Variants in RADIL observed in about 807,000 individuals in gnomAD.
RADIL encodes the protein Rap associating with DIL domain, also known as ras-associating and dilute domain-containing protein.
In RADIL, 99 loss-of-function variants were observed where a neutral mutation model predicts 97.6. The observed-to-expected ratio is 1.01, with a 90% CI of 0.86 to 1.20. The LOEUF is 1.20. Among genes scored for constraint, RADIL ranks in the 50% most tolerant of loss-of-function variants. The probability of loss-of-function intolerance (pLI) is 0.00; values close to 1 mark genes in which losing one functional copy is unlikely to be tolerated. For synonymous variants in RADIL, 803 were observed against 691.8 expected, an observed-to-expected ratio of 1.16 and a Z score of -2.52; for missense variants, 1,765 against 1,498.9, an observed-to-expected ratio of 1.18 and a Z score of -2.93.
At chr7:4,827,529 C>A (rs1247495317) in intron 5 of RADIL, among the ~76,000 whole-genome samples, 1 of 151,938 alleles carries the variant, frequency 6.6e-6, no homozygotes, top group Non-Finnish European at 1.5e-5. Context: ...GGCGTGGTTG[C>A]AGGCGCCTGT....
rs182359348 is a variant in RADIL, at chr7:4,816,556, G to A, written c.1729-91C>T. 2.6e-4 allele frequency: 269 copies of A among 1,044,004 alleles called. 1 individual carries two copies. In the East Asian group the frequency reaches 5.3e-3, roughly 21 times the overall value. 64.7% of individuals were successfully genotyped at this position (1,044,004 alleles called of 1,614,324 possible). A position where few individuals can be genotyped will look rare whatever the true frequency, so the allele number is the denominator to read the frequency against. On this transcript the variant is annotated intron_variant, in intron 7 of 14. Transcript: ENST00000399583. ...CTGACCCAGCGAGCTCCCCACCCAC[G>A]CACTGCTTGCAGGGACCCGGCCTCG...
chr7:4,835,767 G>A lies in RADIL; in HGVS notation c.784-528C>T, dbSNP rs1210930730. ...AGGAGCTGGCTGCACAGGAGGGCGG[G>A]GGTAGGGTGAGCAGGGGGCGGGGAA... On this transcript the variant is annotated intron_variant, in intron 3 of 14. Coordinates refer to ENST00000399583, the MANE Select transcript of RADIL (RefSeq NM_018059.5). This position sits in a 1 kb window ranked among gnomAD's most constrained non-coding sequence, Gnocchi z 5.8. Among the ~76,000 whole-genome samples, 7 of 152,202 alleles carry A rather than the reference G, an allele frequency of 4.6e-5. No individual in the cohort carries two copies. The highest frequency in any genetic ancestry group is 1.7e-4 in the African/African-American group (7 of 41,458).
At chr7:4,802,988 G>A (rs1468555476) in intron 11 of RADIL, among the ~76,000 whole-genome samples, 3 of 78,560 alleles carry the variant, frequency 3.8e-5, no homozygotes, top group Non-Finnish European at 6.8e-5. Flanking sequence ...GTACCTCGGG[G>A]CACTCTGGCT....
Position 4,873,493 on chromosome 7 carries a change from C to T in RADIL, c.535+4112G>A, listed in dbSNP as rs1784300813. Reference sequence around the variant, plus strand: ...ATCTCACCAGGGATCAGGGACAGCCCCACGCTGGGTCCTCTTGGGAGAGAA... The same window carrying T: ...ATCTCACCAGGGATCAGGGACAGCCTCACGCTGGGTCCTCTTGGGAGAGAA... On this transcript the variant is annotated intron_variant, in intron 2 of 14. Transcript: ENST00000399583. This position sits in a 1 kb window ranked among gnomAD's most constrained non-coding sequence, Gnocchi z 4.3. Among the ~76,000 whole-genome samples the T allele has an allele frequency of 2.6e-5, 4 of 152,316 alleles. No homozygotes were observed. The highest frequency in any genetic ancestry group is 2.6e-4 in the Admixed American group (4 of 15,298).
In RADIL at chr7:4,877,971, T is replaced by G; in HGVS notation, c.169A>C (p.Thr57Pro). The G allele has an allele frequency of 6.2e-7, 1 of 1,611,630 alleles. No homozygotes were observed. Among genetic ancestry groups the G allele is most frequent in the Non-Finnish European group, 8.5e-7 (1 of 1,179,912 alleles). ...AGGACACCAGGGGCCGACAGCTGGG[T>G]GGAGAGCTCGGCGGGGTCATCGCTG... Reference protein sequence around the residue: ...GASDDPAELSTQLSAPGVLKV... With the variant: ...GASDDPAELSPQLSAPGVLKV... Residue 57 changes from threonine (T) to proline (P), a missense_variant, in exon 2 of 15, where the codon ACC (threonine) becomes CCC (proline). By Grantham distance (38) the Thr-to-Pro change is conservative. Coordinates refer to ENST00000399583, the MANE Select transcript of RADIL (RefSeq NM_018059.5).
At chr7:4,859,952 A>G in intron 2 of RADIL, 2 of 1,613,972 alleles carry the variant, frequency 1.2e-6, no homozygotes, top group Non-Finnish European at 1.7e-6. Flanking sequence ...ATGGCTTATG[A>G]GACATGTTGA....
At chr7:4,861,715 G>A in intron 2 of RADIL, 2 of 1,568,930 alleles carry the variant, frequency 1.3e-6, no homozygotes, top group South Asian at 1.2e-5. Context: ...CCGTCTCCTT[G>A]GGGACCGCTA....
chr7:4,817,296 C>T lies in RADIL; in HGVS notation c.1671G>A (p.Ala557=), dbSNP rs767642627. The change falls in exon 7 of 15, where the codon GCG becomes GCA. Residue 557 remains alanine (A), a synonymous_variant. Transcript: ENST00000399583. This position sits in a 1 kb window ranked among gnomAD's most constrained non-coding sequence, Gnocchi z 8.3. Reference sequence around the variant, plus strand: ...CGTACAGCACCACCTCCTCCAGCACCGCCATGGCCTCCTCGCTGGCCGTCA... The same window carrying T: ...CGTACAGCACCACCTCCTCCAGCACTGCCATGGCCTCCTCGCTGGCCGTCA... The part of the protein sequence containing the change: ...CTLTASEEAM[A]VLEEVVLYAF... 20 of 1,612,546 alleles carry T rather than the reference C, an allele frequency of 1.2e-5. No individual in the cohort carries two copies. The highest frequency in any genetic ancestry group is 2.7e-5 in the African/African-American group (2 of 74,906).
At position 4,841,560 on chromosome 7, in the gene RADIL, G is replaced by A. The variant is rs1461242048; in HGVS notation, c.536-4955C>T. The stretch of plus-strand genomic sequence containing the variant: ...GTTCCTGCAGAGGAAGCCGGCGGGC[G>A]CGGGTCTCCCCTACTGCCCCGTGTT... On this transcript the variant is annotated intron_variant, in intron 2 of 14. Coordinates refer to ENST00000399583, the MANE Select transcript of RADIL (RefSeq NM_018059.5). Among the ~76,000 whole-genome samples the A allele has an allele frequency of 3.3e-5, 5 of 152,198 alleles. 1 individual carries two copies. Among genetic ancestry groups the A allele is most frequent in the Admixed American group, 1.3e-4 (2 of 15,286 alleles).
chr7:4,851,100 G>A (rs920717828), intron 2 of RADIL, among the ~76,000 whole-genome samples: 1 of 152,028 alleles, frequency 6.6e-6, no homozygotes, highest in Non-Finnish European at 1.5e-5. Flanking sequence ...AGCTACTTAG[G>A]AGGCTGAGGC....
At position 4,867,962 on chromosome 7, in the gene RADIL, G is replaced by A. The variant is rs1279405907; in HGVS notation, c.535+9643C>T. The stretch of plus-strand genomic sequence containing the variant: ...ACTTGTTCCCCATATTGGTGAGACG[G>A]CTGTCCTGCATTAGGCATTCGGTCA... On this transcript the variant is annotated intron_variant, in intron 2 of 14. Coordinates refer to ENST00000399583, the MANE Select transcript of RADIL (RefSeq NM_018059.5). The surrounding 1 kb of genome is among the most constrained non-coding windows in gnomAD (Gnocchi z 4.1). Among the ~76,000 whole-genome samples, 4 of 152,354 alleles carry A rather than the reference G, an allele frequency of 2.6e-5. No homozygotes were observed. In the East Asian group the frequency reaches 7.7e-4, roughly 29 times the overall value.
Position 4,832,116 on chromosome 7 carries a change from G to A in RADIL, c.1454+25C>T, listed in dbSNP as rs768732968. The A allele has an allele frequency of 2.7e-5, 43 of 1,604,202 alleles. 1 individual carries two copies. The South Asian group carries it at 4.5e-4, about 17-fold the overall frequency. On this transcript the variant is annotated intron_variant, in intron 5 of 14. Transcript: ENST00000399583. ...CCCCAGGACCTGCTGCCCAGAGGCG[G>A]GCACAATAACCGGGTCATACTCACA...
At chr7:4,841,774 GA>G in intron 2 of RADIL, among the ~76,000 whole-genome samples, 2 of 152,306 alleles carry the variant, frequency 1.3e-5, no homozygotes, top group Middle Eastern at 3.4e-3. Context: ...GACATTTTAA[GA>G]AGAGAACACA....
Position 4,815,353 on chromosome 7 carries a change from C to T in RADIL, c.2064G>A (p.Ala688=), listed in dbSNP as rs558276459. The change falls in exon 9 of 15, where the codon GCG becomes GCA. Residue 688 remains alanine (A), a synonymous_variant. Transcript: ENST00000399583. This position sits in a 1 kb window ranked among gnomAD's most constrained non-coding sequence, Gnocchi z 8.0. ...GCTTCTGGAAGAAGTGCTCTCCAGC[C>T]GCCCCGAAGCCGGCGCTCCGCATCC... ...LEWMRSAGFG[A]AGEHFFQKLS... 3.0e-5 allele frequency: 46 copies of T among 1,557,548 alleles called. No individual in the cohort carries two copies. In the African/African-American group the frequency reaches 3.5e-4, roughly 12 times the overall value.
intron 2 of RADIL, chr7:4,859,581 C>A: frequency 3.3e-6 from 1 of 306,226 alleles, no homozygotes; most frequent in Non-Finnish European, 6.1e-6. Context: ...ATATCTAGTC[C>A]CGTACCCCTC....
In RADIL at chr7:4,879,503, AGGAAAGCCTATTTTCT is replaced by A. The variant is rs1291236173; in HGVS notation, c.-64-1316_-64-1301del. Among the ~76,000 whole-genome samples the A allele has an allele frequency of 6.6e-6, 1 of 152,214 alleles. No homozygotes were observed. The highest frequency in any genetic ancestry group is 1.5e-5 in the Non-Finnish European group (1 of 68,038). ...AAAGGTGGCAGACGAGTGAGCCAGG[AGGAAAGCCTATTTTCT>A]GGAAAGCTCTGGAAAGAGTGGTCCA... On this transcript the variant is annotated intron_variant, in intron 1 of 14. Coordinates refer to ENST00000399583, the MANE Select transcript of RADIL (RefSeq NM_018059.5). The surrounding 1 kb of genome is among the most constrained non-coding windows in gnomAD (Gnocchi z 4.1).
At position 4,813,340 on chromosome 7, in the gene RADIL, T is replaced by C. The variant is rs1403105187; in HGVS notation, c.2139+1938A>G. ...TTCCCAAGGGGTCCTGGACTCGTCATCTCTGTCTCCTCTACACTGTGAAGG... is the reference window on the plus strand; with the variant it reads ...TTCCCAAGGGGTCCTGGACTCGTCACCTCTGTCTCCTCTACACTGTGAAGG... On this transcript the variant is annotated intron_variant, in intron 9 of 14. Transcript: ENST00000399583. The surrounding 1 kb of genome is among the most constrained non-coding windows in gnomAD (Gnocchi z 5.0). 1.3e-5 allele frequency among the ~76,000 whole-genome samples: 2 copies of C among 152,210 alleles called. No homozygotes were observed. Among genetic ancestry groups the C allele is most frequent in the African/African-American group, 2.4e-5 (1 of 41,458 alleles).
At position 4,803,629 on chromosome 7, in the gene RADIL, A is replaced by G; in HGVS notation, c.2416T>C (p.Phe806Leu). Residue 806 changes from phenylalanine to leucine, a missense_variant, in exon 11 of 15, where the codon TTT becomes CTT. Physicochemically the swap from Phe to Leu is conservative, Grantham distance 22. Coordinates refer to ENST00000399583, the MANE Select transcript of RADIL (RefSeq NM_018059.5). Reference sequence around the variant, plus strand: ...GCTCTGCTCCGCAGACCCCACAGAAAGTGGCGGACGTAGAGCAGGTGCTGG... The same window carrying G: ...GCTCTGCTCCGCAGACCCCACAGAAGGTGGCGGACGTAGAGCAGGTGCTGG... ...IYQHLLYVRH[F>L]LWGLRSRASP... 1 of 1,549,978 alleles carries G rather than the reference A, an allele frequency of 6.5e-7. No homozygotes were observed. Among genetic ancestry groups the G allele is most frequent in the Non-Finnish European group, 8.7e-7 (1 of 1,147,044 alleles).
chr7:4,801,949 C>T lies in RADIL; in HGVS notation c.2546G>A (p.Cys849Tyr). ...VLDGHLEAPSCPLAPRDPGPA... is the reference protein window; with the variant it reads ...VLDGHLEAPSYPLAPRDPGPA... ...GCCAGGGTCCCTGGGAGCCAGGGGG[C>T]AGCTCGGGGCCTCCAGGTGCCCGTC... is the stretch of plus-strand genomic sequence containing the variant. Residue 849 changes from cysteine to tyrosine, a missense_variant, in exon 12 of 15, where the codon TGC (cysteine) becomes TAC (tyrosine). Coordinates refer to ENST00000399583, the MANE Select transcript of RADIL (RefSeq NM_018059.5). 2 of 1,559,122 alleles carry T rather than the reference C, an allele frequency of 1.3e-6. No individual in the cohort carries two copies. Among genetic ancestry groups the T allele is most frequent in the Non-Finnish European group, 1.7e-6 (2 of 1,156,238 alleles).
Sources: allele counts gnomAD v4.1 joint callset (sites outside exome capture counted in the v4.1 genomes callset), GRCh38; gene constraint gnomAD v4.1.1; non-coding constraint Gnocchi (gnomAD v3.1); transcripts MANE v1.5; gene names NCBI Gene and HGNC (gene_info 2026-07-23, HGNC 2026-07-21).